Variants in UPK1A observed in about 807,000 individuals in gnomAD.
UPK1A encodes uroplakin 1A.
In UPK1A, 31 loss-of-function variants were observed where a neutral mutation model predicts 32.3. That is an observed-to-expected ratio of 0.96 (90% CI 0.72 to 1.30). The LOEUF (loss-of-function observed/expected upper bound fraction) is 1.30, where lower values mean the gene tolerates loss of function less well. Among genes scored for constraint, UPK1A ranks in the 50% most tolerant of loss-of-function variants. The pLI is 0.00. For missense variants in UPK1A, 340 were observed against 357.4 expected (o/e 0.95, Z 0.39); for synonymous variants, 135 against 137.1 (o/e 0.98, Z 0.11).
chr19:35,668,694 G>C, intron 3 of UPK1A, 40 bp downstream of exon 3: 1 of 1,567,694 alleles, frequency 6.4e-7, no homozygotes, highest in Non-Finnish European at 8.6e-7. Flanking sequence ...CACTGAAAAC[G>C]GAGTTCAGCA....
intron 3 of UPK1A, among the ~76,000 whole-genome samples, chr19:35,671,458 C>CTTT (rs34302366): frequency 2.5e-5 from 2 of 79,730 alleles, no homozygotes; most frequent in Non-Finnish European, 4.2e-5. Flanking sequence ...CCCCAAATTT[C>CTTT]TTTTTTTTTT....
At chr19:35,674,397 C>T (rs1173520620) in intron 5 of UPK1A, among the ~76,000 whole-genome samples, 1 of 152,046 alleles carries the variant, frequency 6.6e-6, no homozygotes, top group Non-Finnish European at 1.5e-5. Context: ...CAGGCGCCTG[C>T]CACCGCGCCC....
At chr19:35,673,180 G>T (rs1401429095) in intron 3 of UPK1A, 52 bp from the exon 4 acceptor site, 2 of 1,580,906 alleles carry the variant, frequency 1.3e-6, no homozygotes, top group Non-Finnish European at 1.7e-6. Flanking sequence ...CCCTGACGGG[G>T]TGTGGCTTCA....
At chr19:35,674,134 G>A (rs1028204689) in intron 5 of UPK1A, among the ~76,000 whole-genome samples, 4 of 151,666 alleles carry the variant, frequency 2.6e-5, no homozygotes, top group Non-Finnish European at 4.4e-5. Flanking sequence ...GAACTCCTGG[G>A]CTCAGGATTG....
chr19:35,673,205 CG>C (rs1568347858), intron 3 of UPK1A, 26 bp from the exon 4 acceptor site: 1 of 1,611,878 alleles, frequency 6.2e-7, no homozygotes, highest in Non-Finnish European at 8.5e-7. Context: ...CTCTGCCCGA[CG>C]GGCCGTCCTC....
At chr19:35,668,825 G>A (rs1412693093) in intron 3 of UPK1A, 171 bp downstream of exon 3, 5 of 737,294 alleles carry the variant, frequency 6.8e-6, no homozygotes, top group Non-Finnish European at 1.1e-5. Flanking sequence ...ACCCAGGCTT[G>A]AGTAGCAGAG....
chr19:35,675,865 C>G (rs563419319), exon 6 of UPK1A: 2 of 1,613,566 alleles, frequency 1.2e-6, no homozygotes, highest in Non-Finnish European at 1.7e-6. Context: ...ACATCTGGTC[C>G]CATGGACTGG....
At chr19:35,675,260 T>C (rs1459808797) in intron 5 of UPK1A, among the ~76,000 whole-genome samples, 1 of 152,048 alleles carries the variant, frequency 6.6e-6, no homozygotes, top group Non-Finnish European at 1.5e-5. Flanking sequence ...TTTATCAGCA[T>C]AGTTGTTGAT....
At chr19:35,674,915 G>A (rs1392687837) in intron 5 of UPK1A, among the ~76,000 whole-genome samples, 3 of 151,900 alleles carry the variant, frequency 2.0e-5, no homozygotes, top group Non-Finnish European at 2.9e-5. Context: ...AGTAGTGTGC[G>A]CCTGTGATTC....
chr19:35,678,320 G>T (rs1282184829), exon 8 of UPK1A: 1 of 328,780 alleles, frequency 3.0e-6, no homozygotes, highest in African/African-American at 2.1e-5. Flanking sequence ...CTTCATGGCA[G>T]GCATCGCCAT....
chr19:35,677,449 G>A (rs73602804), intron 6 of UPK1A, among the ~76,000 whole-genome samples: 15,179 of 151,476 alleles, frequency 0.1, 895 homozygotes, highest in East Asian at 0.2. Context: ...TTGCTTGAAC[G>A]CGGGAGGTAA....
At chr19:35,669,676 AAAG>A (rs767351526) in intron 3 of UPK1A, among the ~76,000 whole-genome samples, 36 of 152,062 alleles carry the variant, frequency 2.4e-4, no homozygotes, top group Non-Finnish European at 4.3e-4. Flanking sequence ...ATCTCAAAAA[AAAG>A]GAAAGAAAAT....
chr19:35,675,056 AAAAG>A (rs1265639197), intron 5 of UPK1A, among the ~76,000 whole-genome samples: 5 of 151,404 alleles, frequency 3.3e-5, no homozygotes, highest in Non-Finnish European at 4.4e-5. Context: ...AAAAAAAAAA[AAAAG>A]AAGAAGAAAT....
At chr19:35,675,780 C>T in intron 5 of UPK1A, 60 bp from the exon 6 acceptor site, 5 of 1,536,634 alleles carry the variant, frequency 3.3e-6, no homozygotes, top group Non-Finnish European at 4.4e-6. Context: ...TGTGTGACCT[C>T]AGGCAAGCAA....
chr19:35,675,980 G>A (rs1968175498), exon 6 of UPK1A: 6 of 1,613,836 alleles, frequency 3.7e-6, no homozygotes. Context: ...TCAACGAGGA[G>A]GGCTGCCGCC....
intron 3 of UPK1A, among the ~76,000 whole-genome samples, chr19:35,669,586 A>T (rs1968054578): frequency 6.6e-6 from 1 of 151,850 alleles, no homozygotes; most frequent in Non-Finnish European, 1.5e-5. Context: ...CGGAAGAATC[A>T]CTAGAACCCG....
chr19:35,673,396 C>G (rs968720645), intron 4 of UPK1A, 42 bp from the exon 5 acceptor site: 8 of 1,611,446 alleles, frequency 5.0e-6, no homozygotes, highest in Non-Finnish European at 6.8e-6. Context: ...CCTCTCTCCC[C>G]ACCCAGCCCT....
Position 35,677,725 on chromosome 19 carries a change from G to C in UPK1A, c.649-87G>C, listed in dbSNP as rs892873326. On this transcript the variant is annotated intron_variant, in intron 6 of 7. Transcript: ENST00000617999. ...AAAACCAATGCTCAGGGAAGGTGGT[G>C]ACTTTCCCAAGGGCGCACAGTGACT... 125 of 1,497,960 alleles carry C rather than the reference G, an allele frequency of 8.3e-5. 2 individuals are homozygous for C. The Admixed American group carries it at 1.8e-3, about 21-fold the overall frequency. The allele number at this position is 1,497,960 out of a possible 1,614,324, so 92.8% of individuals were successfully genotyped here. A position where few individuals can be genotyped will look rare whatever the true frequency, so the allele number is the denominator to read the frequency against.
chr19:35,674,241 C>CTTTTTTTTTTTT (rs35857173), intron 5 of UPK1A, among the ~76,000 whole-genome samples: 1 of 98,982 alleles, frequency 1.0e-5, no homozygotes, highest in Non-Finnish European at 2.0e-5. Context: ...TTCTTTTTAT[C>CTTTTTTTTTTTT]TTTTTTTTTT....
Sources: allele counts gnomAD v4.1 joint callset (sites outside exome capture counted in the v4.1 genomes callset), GRCh38; gene constraint gnomAD v4.1.1; transcripts MANE v1.5; gene names NCBI Gene and HGNC (gene_info 2026-07-23, HGNC 2026-07-21).